Variants in IL17RB observed in about 807,000 individuals in gnomAD.
IL17RB encodes the protein interleukin 17 receptor B, also known as interleukin-17 receptor B.
In IL17RB, 36 loss-of-function variants were observed where a neutral mutation model predicts 43.9. That is an observed-to-expected ratio of 0.82 (90% CI 0.63 to 1.08). The LOEUF (loss-of-function observed/expected upper bound fraction) is 1.08. IL17RB is among the 50% of genes least tolerant of loss of function. IL17RB has a pLI of 0.00. For missense variants in IL17RB, 613 were observed against 613.6 expected (o/e 1.00, Z 0.01); for synonymous variants, 225 against 225.4 (o/e 1.00, Z 0.02).
intron 1 of IL17RB, among the ~76,000 whole-genome samples, chr3:53,848,344 C>G (rs377509739): frequency 6.6e-6 from 1 of 152,234 alleles, no homozygotes; most frequent in African/African-American, 2.4e-5. Flanking sequence ...GGCCTCACAT[C>G]GGTCCCAAGT....
intron 2 of IL17RB, among the ~76,000 whole-genome samples, chr3:53,849,044 T>C (rs190616892): frequency 1.3e-5 from 2 of 152,046 alleles, no homozygotes; most frequent in African/African-American, 4.8e-5. Flanking sequence ...TTTGAGATGG[T>C]GGCATTTGAA....
At chr3:53,849,033 G>A (rs866815430) in intron 2 of IL17RB, among the ~76,000 whole-genome samples, 7 of 152,358 alleles carry the variant, frequency 4.6e-5, no homozygotes, top group South Asian at 4.1e-4. Flanking sequence ...GAGAGCGGGT[G>A]TTTGAGATGG....
intron 1 of IL17RB, among the ~76,000 whole-genome samples, chr3:53,848,198 G>A (rs1460891097): frequency 2.0e-5 from 3 of 152,250 alleles, no homozygotes; most frequent in African/African-American, 7.2e-5. Flanking sequence ...TAAAGAACCT[G>A]AGGAAAGTAC....
Position 53,865,031 on chromosome 3 carries a change from G to C in IL17RB, c.1232G>C (p.Ser411Thr). The C allele has an allele frequency of 6.2e-7, 1 of 1,614,190 alleles. No homozygotes were observed. The highest frequency in any genetic ancestry group is 8.5e-7 in the Non-Finnish European group (1 of 1,180,034). ...NSVCDGTCGKSEGSPSENSQD... is the reference protein window; with the variant it reads ...NSVCDGTCGKTEGSPSENSQD... ...GTGTGCGATGGTACCTGTGGCAAGAGCGAGGGCAGTCCCAGTGAGAACTCT... is the reference window on the plus strand; with the variant it reads ...GTGTGCGATGGTACCTGTGGCAAGACCGAGGGCAGTCCCAGTGAGAACTCT... The change falls in exon 11 of 11, where the codon AGC (serine) becomes ACC (threonine). Residue 411 changes from serine (S) to threonine (T), a missense_variant. Ser to Thr is a moderately conservative substitution (Grantham distance 58). Transcript: ENST00000288167.
intron 10 of IL17RB, among the ~76,000 whole-genome samples, chr3:53,863,721 AC>A (rs1160939243): frequency 6.6e-6 from 1 of 152,044 alleles, no homozygotes; most frequent in Non-Finnish European, 1.5e-5. Flanking sequence ...ACAAGCAACT[AC>A]CTAATTGACC....
At chr3:53,855,656 G>T (rs1458050842) in intron 6 of IL17RB, among the ~76,000 whole-genome samples, 1 of 152,178 alleles carries the variant, frequency 6.6e-6, no homozygotes, top group Non-Finnish European at 1.5e-5. Context: ...GCCAATCAAA[G>T]GCTCTTCCTG....
Position 53,864,906 on chromosome 3 carries a change from G to C in IL17RB, c.1107G>C (p.Gln369His), listed in dbSNP as rs759547152. The change falls in exon 11 of 11, where the codon CAG (glutamine) becomes CAC (histidine). Residue 369 changes from glutamine to histidine, a missense_variant. Coordinates refer to ENST00000288167, the MANE Select transcript of IL17RB (RefSeq NM_018725.4). The stretch of plus-strand genomic sequence containing the variant: ...GTGAGGTCATCCTTGAAAAGTGGCA[G>C]AAAAAGAAAATAGCAGAGATGGGTC... ...CRSEVILEKW[Q>H]KKKIAEMGPV... 9 of 1,614,190 alleles carry C rather than the reference G, an allele frequency of 5.6e-6. No homozygotes were observed. The highest frequency in any genetic ancestry group is 7.6e-6 in the Non-Finnish European group (9 of 1,180,026).
In IL17RB at chr3:53,852,043, A is replaced by T; in HGVS notation, c.271A>T (p.Lys91Ter). The change falls in exon 4 of 11, where the codon AAA becomes TAA. Residue 91 changes from lysine to a stop codon, truncating the protein, a stop_gained. Transcript: ENST00000288167. LOFTEE classifies it high-confidence loss of function. ...LKATKICVTG[K>*]SNFQSYSCVR... is the part of the protein sequence containing the mutation. The stretch of plus-strand genomic sequence containing the variant: ...GGCCACCAAGATTTGTGTGACGGGC[A>T]AAAGCAACTTCCAGTCCTACAGCTG... 6.2e-7 allele frequency: 1 copy of T among 1,614,192 alleles called. No individual in the cohort carries two copies. The highest frequency in any genetic ancestry group is 8.5e-7 in the Non-Finnish European group (1 of 1,180,034).
chr3:53,864,867 A>G lies in IL17RB; in HGVS notation c.1068A>G (p.Gln356=). ...TTTGTTACTTCACTGAATTTCTTCA[A>G]AACCATTGCAGAAGTGAGGTCATCC... The part of the protein sequence containing the change: ...HTICYFTEFL[Q]NHCRSEVILE... The change falls in exon 11 of 11, where the codon CAA becomes CAG. Residue 356 remains glutamine (Q), a synonymous_variant. Transcript: ENST00000288167. The G allele has an allele frequency of 6.2e-7, 1 of 1,614,256 alleles. No individual in the cohort carries two copies. Among genetic ancestry groups the G allele is most frequent in the South Asian group, 1.1e-5 (1 of 91,090 alleles).
chr3:53,865,346 A>T lies in IL17RB; in HGVS notation c.*38A>T, dbSNP rs369678154. On this transcript the variant is annotated 3_prime_UTR_variant, in exon 11 of 11. Transcript: ENST00000288167. ...AAGCAAGAGACCTTAAAGGCTTCCTATCCCACCAATTACAGGGAAAAAACG... is the reference window on the plus strand; with the variant it reads ...AAGCAAGAGACCTTAAAGGCTTCCTTTCCCACCAATTACAGGGAAAAAACG... The T allele has an allele frequency of 2.7e-5, 40 of 1,504,264 alleles. 1 individual carries two copies. The East Asian group carries it at 4.1e-4, about 15-fold the overall frequency. The allele number at this position is 1,504,264 out of a possible 1,614,324, so 93.2% of individuals were successfully genotyped here.
chr3:53,857,473 G>C lies in IL17RB; in HGVS notation c.673-143G>C, dbSNP rs1001886227. 10 of 700,970 alleles carry C rather than the reference G, an allele frequency of 1.4e-5. 1 individual carries two copies. Among genetic ancestry groups the C allele is most frequent in the Non-Finnish European group, 2.3e-5 (9 of 385,586 alleles). 43.4% of individuals were successfully genotyped at this position (700,970 alleles called of 1,614,324 possible). The stretch of plus-strand genomic sequence containing the variant: ...AGCTAATTTTTTCATCTTTAGTAGA[G>C]ACGGTTTCGCCATGTTGCCCAGGCT... On this transcript the variant is annotated intron_variant, in intron 7 of 10. Transcript: ENST00000288167.
intron 5 of IL17RB, among the ~76,000 whole-genome samples, 198 bp from the exon 6 acceptor site, chr3:53,855,096 G>A (rs964920468): frequency 8.0e-6 from 1 of 124,846 alleles, no homozygotes; most frequent in African/African-American, 3.1e-5. Context: ...CAGCCTAGGC[G>A]ACAGAGCAAG....
In IL17RB at chr3:53,864,856, G is replaced by C; in HGVS notation, c.1057G>C (p.Glu353Gln). The C allele has an allele frequency of 1.2e-6, 2 of 1,614,188 alleles. No homozygotes were observed. The highest frequency in any genetic ancestry group is 1.7e-6 in the Non-Finnish European group (2 of 1,180,018). The change falls in exon 11 of 11, where the codon GAA (glutamate) becomes CAA (glutamine). Residue 353 changes from glutamate to glutamine, a missense_variant. By Grantham distance (29) the Glu-to-Gln change is conservative. Coordinates refer to ENST00000288167, the MANE Select transcript of IL17RB (RefSeq NM_018725.4). Reference sequence around the variant, plus strand: ...CCATCACACAATTTGTTACTTCACTGAATTTCTTCAAAACCATTGCAGAAG... The same window carrying C: ...CCATCACACAATTTGTTACTTCACTCAATTTCTTCAAAACCATTGCAGAAG... ...CFHHTICYFTEFLQNHCRSEV... is the reference protein window; with the variant it reads ...CFHHTICYFTQFLQNHCRSEV...
intron 5 of IL17RB, among the ~76,000 whole-genome samples, chr3:53,853,819 A>G (rs1303265690): frequency 6.6e-6 from 1 of 152,216 alleles, no homozygotes; most frequent in Non-Finnish European, 1.5e-5. Flanking sequence ...GTGGTTTCCA[A>G]CTTTCTTGAT....
At chr3:53,860,094 T>G (rs1302092229) in intron 9 of IL17RB, 36 bp from the exon 10 acceptor site, 2 of 1,398,822 alleles carry the variant, frequency 1.4e-6, no homozygotes, top group Admixed American at 1.8e-5. Context: ...AGTGTGGATT[T>G]GTTTTCCAAA....
In IL17RB at chr3:53,856,946, T is replaced by C. The variant is rs1168467625; in HGVS notation, c.632T>C (p.Ile211Thr). The C allele has an allele frequency of 1.2e-6, 2 of 1,614,028 alleles. No individual in the cohort carries two copies. The highest frequency in any genetic ancestry group is 2.2e-5 in the East Asian group (1 of 44,884). The change falls in exon 7 of 11, where the codon ATC becomes ACC. Residue 211 changes from isoleucine (I) to threonine (T), a missense_variant. Transcript: ENST00000288167. ...TPLGNRYMAL[I>T]QHSTIIGFSQ... ...CTGGGAAACAGATACATGGCTCTTATCCAACACAGCACTATCATCGGGTTT... is the reference window on the plus strand; with the variant it reads ...CTGGGAAACAGATACATGGCTCTTACCCAACACAGCACTATCATCGGGTTT...
At chr3:53,855,603 A>G (rs1699305239) in intron 6 of IL17RB, among the ~76,000 whole-genome samples, 1 of 152,160 alleles carries the variant, frequency 6.6e-6, no homozygotes, top group African/African-American at 2.4e-5. Flanking sequence ...AACCACCCCC[A>G]TCCACTTGGT....
In IL17RB at chr3:53,848,678, C is replaced by T. The variant is rs1699026377; in HGVS notation, c.75C>T (p.Gly25=). The T allele has an allele frequency of 6.2e-7, 1 of 1,613,944 alleles. No individual in the cohort carries two copies. The highest frequency in any genetic ancestry group is 8.5e-7 in the Non-Finnish European group (1 of 1,179,954). ...CTCTCCCACAGACCGTTCAATGTGG[C>T]TCTGAAACTGGTAGGTGCATTAGAG... is the stretch of plus-strand genomic sequence containing the variant. ...AVPREPTVQC[G]SETGPSPEWM... The change falls in exon 2 of 11, where the codon GGC becomes GGT. Residue 25 remains glycine (G), a synonymous_variant. Transcript: ENST00000288167.
At chr3:53,855,382 T>C (rs1187730663) in intron 6 of IL17RB, 41 bp downstream of exon 6, 2 of 1,401,074 alleles carry the variant, frequency 1.4e-6, no homozygotes, top group African/African-American at 2.8e-5. Context: ...TTGAAGAAAC[T>C]TGTAACTTGA....
Sources: allele counts gnomAD v4.1 joint callset (sites outside exome capture counted in the v4.1 genomes callset), GRCh38; gene constraint gnomAD v4.1.1; transcripts MANE v1.5; gene names NCBI Gene and HGNC (gene_info 2026-07-23, HGNC 2026-07-21).